The following NCK2 variants were observed in gnomAD, a reference collection of about 807,000 sequenced individuals.
NCK2 encodes NCK adaptor protein 2, also known as cytoplasmic protein NCK2.
Under a neutral mutation model 33.9 loss-of-function variants are expected in NCK2, and 16 were observed. The ratio of observed to expected loss-of-function variants is 0.47; its 90% CI spans 0.32 to 0.72. The LOEUF is 0.72. NCK2 is among the 30% of genes least tolerant of loss of function. The pLI is 0.03. For synonymous variants in NCK2, 273 were observed against 239.9 expected (o/e 1.14, Z -1.27); for missense variants, 418 against 537.3 (o/e 0.78, Z 2.19).
intron 1 of NCK2, among the ~76,000 whole-genome samples, chr2:105,802,540 G>A (rs1256947698): frequency 2.6e-5 from 4 of 152,160 alleles, no homozygotes; most frequent in Admixed American, 6.5e-5. Context: ...GAAGGGGGCC[G>A]ATGGGTAGAG....
At chr2:105,876,695 A>G (rs1258274659) in intron 3 of NCK2, among the ~76,000 whole-genome samples, 1 of 152,170 alleles carries the variant, frequency 6.6e-6, no homozygotes, top group Non-Finnish European at 1.5e-5. Context: ...CACACATTGG[A>G]CTTCAAATTG....
At chr2:105,798,309 C>T (rs567574016) in intron 1 of NCK2, among the ~76,000 whole-genome samples, 2 of 152,286 alleles carry the variant, frequency 1.3e-5, no homozygotes, top group Non-Finnish European at 2.9e-5. Context: ...GATAGCCTCA[C>T]TGTGGCCTCT....
chr2:105,862,949 T>A (rs1677600970), intron 3 of NCK2, among the ~76,000 whole-genome samples: 1 of 152,208 alleles, frequency 6.6e-6, no homozygotes, highest in Non-Finnish European at 1.5e-5. Context: ...GGCATAAGCC[T>A]TTAAGAGGCC....
chr2:105,791,703 C>T (rs1690889862), intron 1 of NCK2, among the ~76,000 whole-genome samples: 1 of 152,182 alleles, frequency 6.6e-6, no homozygotes, highest in Admixed American at 6.5e-5. Flanking sequence ...CTTGACAATT[C>T]AGGCAAATCA....
chr2:105,825,660 GT>G (rs1253530481), intron 2 of NCK2, among the ~76,000 whole-genome samples: 3 of 152,266 alleles, frequency 2.0e-5, no homozygotes, highest in African/African-American at 4.8e-5. Flanking sequence ...AATTTCTCTT[GT>G]TTTATTAGAG....
Position 105,855,212 on chromosome 2 carries a change from A to C in NCK2, c.149A>C (p.Tyr50Ser). ...AGGAACGCGGCCAACAGGACGGGCT[A>C]TGTACCGTCCAACTACGTGGAGCGG... ...RVRNAANRTGYVPSNYVERKN... is the reference protein window; with the variant it reads ...RVRNAANRTGSVPSNYVERKN... The change falls in exon 3 of 5, where the codon TAT becomes TCT. Residue 50 changes from tyrosine (Y) to serine (S), a missense_variant. By Grantham distance (144) the Tyr-to-Ser change is moderately radical. Coordinates refer to ENST00000233154, the MANE Select transcript of NCK2 (RefSeq NM_003581.5). 6.2e-7 allele frequency: 1 copy of C among 1,614,126 alleles called. No individual in the cohort carries two copies. Among genetic ancestry groups the C allele is most frequent in the Non-Finnish European group, 8.5e-7 (1 of 1,180,028 alleles).
intron 2 of NCK2, among the ~76,000 whole-genome samples, chr2:105,817,700 A>G (rs1379375537): frequency 6.6e-6 from 1 of 152,058 alleles, no homozygotes; most frequent in African/African-American, 2.4e-5. Flanking sequence ...ACTGGCCATC[A>G]GAGAAATGCA....
intron 2 of NCK2, among the ~76,000 whole-genome samples, chr2:105,851,394 G>A (rs1422982583): frequency 6.6e-6 from 1 of 152,100 alleles, no homozygotes; most frequent in East Asian, 1.9e-4. Context: ...CTCCGGAGTA[G>A]CTGGGACTAC....
intron 3 of NCK2, among the ~76,000 whole-genome samples, chr2:105,865,897 C>G (rs533859967): frequency 3.2e-5 from 4 of 123,096 alleles, no homozygotes; most frequent in Admixed American, 3.2e-4. Flanking sequence ...CTCTTAAAGA[C>G]AGAGATATTA....
intron 3 of NCK2, among the ~76,000 whole-genome samples, chr2:105,876,717 C>G (rs1393749906): frequency 6.6e-6 from 1 of 152,120 alleles, no homozygotes; most frequent in Non-Finnish European, 1.5e-5. Flanking sequence ...GCTTCTGTTA[C>G]AACTGGAAGC....
At chr2:105,874,479 A>G (rs1447761008) in intron 3 of NCK2, among the ~76,000 whole-genome samples, 1 of 152,258 alleles carries the variant, frequency 6.6e-6, no homozygotes, top group Admixed American at 6.5e-5. Flanking sequence ...CTCGATTCTT[A>G]GCAAAAATAG....
At chr2:105,846,691 T>C (rs1676866801) in intron 2 of NCK2, 1 of 152,164 alleles carries the variant, frequency 6.6e-6, no homozygotes, top group Admixed American at 6.5e-5. Flanking sequence ...TTGACAAGGA[T>C]GTAGAGAACT....
intron 1 of NCK2, among the ~76,000 whole-genome samples, chr2:105,768,435 G>A (rs549599445): frequency 5.3e-5 from 8 of 152,240 alleles, no homozygotes; most frequent in East Asian, 3.9e-4. Flanking sequence ...CCCCATTTCC[G>A]TCACCAGTTG....
chr2:105,827,042 C>T lies in NCK2; in HGVS notation c.-17+10429C>T, dbSNP rs537710809. On this transcript the variant is annotated intron_variant, in intron 2 of 4. Coordinates refer to ENST00000233154, the MANE Select transcript of NCK2 (RefSeq NM_003581.5). ...TGAGATGGAGTCTTGCTCTGTTGCC[C>T]AGGCTGGAGTGCAGTGGCACGATCT... Among the ~76,000 whole-genome samples the T allele has an allele frequency of 1.9e-4, 29 of 151,826 alleles. No homozygotes were observed. The East Asian group carries it at 5.6e-3, about 29-fold the overall frequency.
At chr2:105,855,330 C>T in intron 3 of NCK2, 41 bp downstream of exon 3, 3 of 1,439,116 alleles carry the variant, frequency 2.1e-6, no homozygotes, top group Non-Finnish European at 2.9e-6. Context: ...TTGTGCATTT[C>T]AAGGGACACT....
chr2:105,771,991 G>A (rs546763259), intron 1 of NCK2, among the ~76,000 whole-genome samples: 10 of 152,178 alleles, frequency 6.6e-5, no homozygotes, highest in Non-Finnish European at 1.2e-4. Context: ...GGATATTGTC[G>A]TCAAAGTGTC....
rs544224904 is a variant in NCK2, at chr2:105,845,480, G to T, written c.-16-9568G>T. On this transcript the variant is annotated intron_variant, in intron 2 of 4. Transcript: ENST00000233154. The stretch of plus-strand genomic sequence containing the variant: ...CTGATCTTTACTCACTGCATCCTCC[G>T]CCTCTTGAGCTCAAGTGATTCTCCT... Among the ~76,000 whole-genome samples, 177 of 150,826 alleles carry T rather than the reference G, an allele frequency of 1.2e-3. 1 individual carries two copies. Among genetic ancestry groups the T allele is most frequent in the African/African-American group, 4.2e-3 (171 of 40,958 alleles).
intron 2 of NCK2, among the ~76,000 whole-genome samples, chr2:105,851,017 C>T (rs1197277929): frequency 6.6e-6 from 1 of 152,174 alleles, no homozygotes; most frequent in Non-Finnish European, 1.5e-5. Context: ...TCCAGCCAGC[C>T]TTTCCAACCT....
chr2:105,795,114 C>T (rs1160579908), intron 1 of NCK2, among the ~76,000 whole-genome samples: 1 of 152,206 alleles, frequency 6.6e-6, no homozygotes, highest in Non-Finnish European at 1.5e-5. Flanking sequence ...GCAACATCCC[C>T]GACAGGGTGC....
Sources: gnomAD v4.1 joint callset for allele counts (sites outside exome capture counted in the v4.1 genomes callset) on GRCh38, gnomAD v4.1.1 for gene constraint, MANE v1.5 for transcripts, NCBI Gene and HGNC (gene_info 2026-07-23, HGNC 2026-07-21) for gene names.